The following LRRIQ1 variants were observed in gnomAD, a reference collection of about 807,000 sequenced individuals.
LRRIQ1 encodes the protein leucine rich repeats and IQ motif containing 1, also known as leucine-rich repeat- and IQ domain-containing protein 1.
In LRRIQ1, 210 loss-of-function variants were observed where a neutral mutation model predicts 211.9. The ratio of observed to expected loss-of-function variants is 0.99; its 90% CI spans 0.89 to 1.11. The LOEUF (loss-of-function observed/expected upper bound fraction) is 1.11. LRRIQ1 is among the 50% of genes most tolerant of loss of function. The pLI is 0.00. For synonymous variants in LRRIQ1, 699 were observed against 650.1 expected, an observed-to-expected ratio of 1.08 and a Z score of -1.14; for missense variants, 2,136 against 1,939.5, an observed-to-expected ratio of 1.10 and a Z score of -1.90.
chr12:85,251,760 A>G (rs1182872220), intron 1 of LRRIQ1, among the ~76,000 whole-genome samples: 1 of 145,552 alleles, frequency 6.9e-6, no homozygotes, highest in Non-Finnish European at 1.5e-5. Flanking sequence ...TGTATTTTGG[A>G]CTCACGAGAA....
intron 24 of LRRIQ1, among the ~76,000 whole-genome samples, chr12:85,200,442 C>T (rs1026850466): frequency 6.6e-6 from 1 of 152,076 alleles, no homozygotes; most frequent in Non-Finnish European, 1.5e-5. Flanking sequence ...TATTTTGATG[C>T]CTTTTATATC....
chr12:85,231,338 T>C (rs1894930850), intron 25 of LRRIQ1, among the ~76,000 whole-genome samples: 1 of 152,170 alleles, frequency 6.6e-6, no homozygotes, highest in African/African-American at 2.4e-5. Flanking sequence ...CTGAATTATG[T>C]CAGATTGTAA....
At chr12:85,090,509 AG>A (rs1367020724) in intron 11 of LRRIQ1, among the ~76,000 whole-genome samples, 2 of 152,210 alleles carry the variant, frequency 1.3e-5, no homozygotes, top group African/African-American at 4.8e-5. Context: ...AGACCTTGGA[AG>A]TCCAACCCTT....
At chr12:85,094,016 G>A (rs1384594909) in intron 11 of LRRIQ1, among the ~76,000 whole-genome samples, 1 of 152,190 alleles carries the variant, frequency 6.6e-6, no homozygotes, top group East Asian at 1.9e-4. Context: ...GACTGCAAAT[G>A]ATGGTGGCCT....
At chr12:85,167,137 A>AT (rs1445199042) in intron 24 of LRRIQ1, among the ~76,000 whole-genome samples, 2 of 152,152 alleles carry the variant, frequency 1.3e-5, no homozygotes, top group African/African-American at 4.8e-5. Context: ...CACTTGGCTA[A>AT]TTTGTATTAT....
At chr12:85,085,404 CTTGGGGA>C (rs943623657) in intron 11 of LRRIQ1, among the ~76,000 whole-genome samples, 1 of 152,144 alleles carries the variant, frequency 6.6e-6, no homozygotes, top group African/African-American at 2.4e-5. Flanking sequence ...TCCCTCAGCA[CTTGGGGA>C]TTACAATTCA....
Position 85,055,710 on chromosome 12 carries a change from T to C in LRRIQ1, c.917T>C (p.Ile306Thr), listed in dbSNP as rs1334215860. 6.2e-7 allele frequency: 1 copy of C among 1,607,254 alleles called. No individual in the cohort carries two copies. Among genetic ancestry groups the C allele is most frequent in the Non-Finnish European group, 8.5e-7 (1 of 1,177,954 alleles). Residue 306 changes from isoleucine (I) to threonine (T), a missense_variant, in exon 8 of 27, where the codon ATT (isoleucine) becomes ACT (threonine). By Grantham distance (89) the Ile-to-Thr change is moderately conservative (BLOSUM62 -1). Transcript: ENST00000393217. The stretch of plus-strand genomic sequence containing the variant: ...GTTGCCTATCAAAAATATGGCCCAA[T>C]TATTAAAGAGCAAATTGAAAGTAAG... Reference protein sequence around the residue: ...AFVAYQKYGPIIKEQIESKKR... With the variant: ...AFVAYQKYGPTIKEQIESKKR...
At chr12:85,233,636 G>C (rs1431133062) in intron 26 of LRRIQ1, among the ~76,000 whole-genome samples, 3 of 152,098 alleles carry the variant, frequency 2.0e-5, no homozygotes, top group African/African-American at 7.2e-5. Flanking sequence ...CTCATGCAAG[G>C]AGTTCTCCTG....
chr12:85,098,983 C>A lies in LRRIQ1; in HGVS notation c.3198C>A (p.Ile1066=). Residue 1066 remains isoleucine (I), a synonymous_variant, in exon 13 of 27, where the codon ATC becomes ATA. Transcript: ENST00000393217. ...TGCCTTTACTACAAAATATTACTAT[C>A]TCTCAAAACAGGTAAAAGCATACTT... is the stretch of plus-strand genomic sequence containing the variant. The part of the protein sequence containing the change: ...YWLPLLQNIT[I]SQNSLTKIVP... 1 of 1,553,842 alleles carries A rather than the reference C, an allele frequency of 6.4e-7. No homozygotes were observed. The highest frequency in any genetic ancestry group is 8.7e-7 in the Non-Finnish European group (1 of 1,145,384).
intron 26 of LRRIQ1, among the ~76,000 whole-genome samples, chr12:85,235,444 C>T (rs1389390238): frequency 6.6e-6 from 1 of 152,134 alleles, no homozygotes; most frequent in Non-Finnish European, 1.5e-5. Flanking sequence ...AAATGGTGAC[C>T]TTCAATAGAG....
At chr12:85,262,628 T>A (rs1196116292) in intron 1 of LRRIQ1, among the ~76,000 whole-genome samples, 1 of 152,072 alleles carries the variant, frequency 6.6e-6, no homozygotes, top group East Asian at 1.9e-4. Flanking sequence ...CATTTTATAG[T>A]TGTGAAACAC....
chr12:85,177,916 G>C (rs1891793175), intron 24 of LRRIQ1, among the ~76,000 whole-genome samples: 1 of 152,054 alleles, frequency 6.6e-6, no homozygotes, highest in Non-Finnish European at 1.5e-5. Flanking sequence ...TGGAAAAACA[G>C]CAAATAAATC....
chr12:85,104,574 A>G (rs572326120), intron 14 of LRRIQ1, among the ~76,000 whole-genome samples: 2 of 151,734 alleles, frequency 1.3e-5, no homozygotes, highest in African/African-American at 4.8e-5. Flanking sequence ...TTTTTCTACA[A>G]CTTTCTTTGT....
Position 85,073,434 on chromosome 12 carries a change from G to A in LRRIQ1, c.2887+336G>A, listed in dbSNP as rs546321425. On this transcript the variant is annotated intron_variant, in intron 11 of 26. Transcript: ENST00000393217. ...TTAAAATAATTTTGTTGTTGTTGGA[G>A]TGAAGGCAAGTGCATTGATAATGTA... Among the ~76,000 whole-genome samples, 21 of 152,126 alleles carry A rather than the reference G, an allele frequency of 1.4e-4. No individual in the cohort carries two copies. The South Asian group carries it at 4.1e-3, about 30-fold the overall frequency.
chr12:85,067,032 T>C (rs567927783), intron 10 of LRRIQ1, 134 bp downstream of exon 10: 4 of 477,078 alleles, frequency 8.4e-6, no homozygotes, highest in Admixed American at 4.2e-5. Flanking sequence ...AAAATTTAGA[T>C]TAAAAAAATA....
intron 5 of LRRIQ1, 123 bp downstream of exon 5, chr12:85,046,260 A>T: frequency 1.7e-6 from 1 of 600,042 alleles, no homozygotes; most frequent in South Asian, 2.6e-5. Flanking sequence ...ATGTTTGAAG[A>T]TTATTGTGCC....
At chr12:85,194,252 T>G (rs1173571355) in intron 24 of LRRIQ1, among the ~76,000 whole-genome samples, 1 of 118,230 alleles carries the variant, frequency 8.5e-6, no homozygotes, top group Non-Finnish European at 1.7e-5. Context: ...CTGTCAACAT[T>G]AGACAGATCA....
chr12:85,088,110 A>G (rs1193501446), intron 11 of LRRIQ1, among the ~76,000 whole-genome samples: 3 of 152,120 alleles, frequency 2.0e-5, no homozygotes, highest in African/African-American at 7.2e-5. Context: ...TCCATCTTGA[A>G]TTAATTTTTG....
chr12:85,258,017 T>C (rs1896171853), intron 1 of LRRIQ1, among the ~76,000 whole-genome samples: 1 of 151,770 alleles, frequency 6.6e-6, no homozygotes, highest in Non-Finnish European at 1.5e-5. Context: ...GTAGATATTA[T>C]AAAAGGTAAA....
Sources: gnomAD v4.1 joint callset for allele counts (sites outside exome capture counted in the v4.1 genomes callset) on GRCh38, gnomAD v4.1.1 for gene constraint, MANE v1.5 for transcripts, NCBI Gene and HGNC (gene_info 2026-07-23, HGNC 2026-07-21) for gene names.